The following PFKFB2 variants were observed in gnomAD, a reference collection of about 807,000 sequenced individuals.
The protein encoded by PFKFB2 is 6-phosphofructo-2-kinase/fructose-2,6-biphosphatase 2, also known as 6-phosphofructo-2-kinase/fructose-2,6-bisphosphatase 2.
In PFKFB2, 53 loss-of-function variants were observed where a neutral mutation model predicts 68.0. The ratio of observed to expected loss-of-function variants is 0.78; its 90% CI spans 0.63 to 0.98. The LOEUF (loss-of-function observed/expected upper bound fraction) is 0.98. PFKFB2 is among the 50% of genes least tolerant of loss of function. The pLI is 0.00. For synonymous variants in PFKFB2, 222 were observed against 227.6 expected, an observed-to-expected ratio of 0.98 and a Z score of 0.22; for missense variants, 451 against 642.0, an observed-to-expected ratio of 0.70 and a Z score of 3.22.
chr1:207,039,958 G>A (rs955461928), intron 1 of PFKFB2, among the ~76,000 whole-genome samples: 2 of 152,164 alleles, frequency 1.3e-5, no homozygotes, highest in African/African-American at 2.4e-5. Context: ...CAGCTTAAGA[G>A]AACAAGGAGA....
Position 207,074,402 on chromosome 1 carries a change from G to T in PFKFB2, c.*2031G>T. 1 of 985,288 alleles carries T rather than the reference G, an allele frequency of 1.0e-6. No homozygotes were observed. Among genetic ancestry groups the T allele is most frequent in the Non-Finnish European group, 1.2e-6 (1 of 829,834 alleles). 61.0% of individuals were successfully genotyped at this position (985,288 alleles called of 1,614,324 possible). A position where few individuals can be genotyped will look rare whatever the true frequency, so the allele number is the denominator to read the frequency against. On this transcript the variant is annotated 3_prime_UTR_variant, in exon 15 of 15. Coordinates refer to ENST00000367080, the MANE Select transcript of PFKFB2 (RefSeq NM_006212.2). ...ACCCTTTACATTGCTGAGTGATGTG[G>T]AACAAATCACTGAATTAAATAATTG...
Position 207,073,054 on chromosome 1 carries a change from A to G in PFKFB2, c.*683A>G, listed in dbSNP as rs1683515342. ...TCTCCAGCCAGGTCCTGTAAGGGCC[A>G]GCCCAGACTACAGGACATCCACAGA... On this transcript the variant is annotated 3_prime_UTR_variant, in exon 15 of 15. Coordinates refer to ENST00000367080, the MANE Select transcript of PFKFB2 (RefSeq NM_006212.2). 1.0e-6 allele frequency: 1 copy of G among 985,508 alleles called. No homozygotes were observed. The highest frequency in any genetic ancestry group is 1.7e-5 in the African/African-American group (1 of 57,344). 61.0% of individuals were successfully genotyped at this position (985,508 alleles called of 1,614,324 possible). A position where few individuals can be genotyped will look rare whatever the true frequency, so the allele number is the denominator to read the frequency against.
intron 1 of PFKFB2, among the ~76,000 whole-genome samples, chr1:207,035,792 C>T (rs1682366570): frequency 6.6e-6 from 1 of 152,144 alleles, no homozygotes; most frequent in African/African-American, 2.4e-5. Flanking sequence ...ACAATCGTAA[C>T]AGCAGGCAAA....
rs542879863 is a variant in PFKFB2, at chr1:207,064,722, T to C, written c.508-314T>C. ...TATTCTGAGTGGTAATAGGGAAACA[T>C]TGGAGCCTGTTCTGTTTTCTCAGGA... On this transcript the variant is annotated intron_variant, in intron 7 of 14. Coordinates refer to ENST00000367080, the MANE Select transcript of PFKFB2 (RefSeq NM_006212.2). Among the ~76,000 whole-genome samples, 17 of 152,300 alleles carry C rather than the reference T, an allele frequency of 1.1e-4. No individual in the cohort carries two copies. In the South Asian group the frequency reaches 2.3e-3, roughly 20 times the overall value.
At chr1:207,039,201 A>G (rs566711549) in intron 1 of PFKFB2, among the ~76,000 whole-genome samples, 1 of 152,310 alleles carries the variant, frequency 6.6e-6, no homozygotes, top group South Asian at 2.1e-4. Context: ...TTAAAAACTC[A>G]AATTGATCAA....
intron 2 of PFKFB2, among the ~76,000 whole-genome samples, chr1:207,060,602 G>T (rs1683056812): frequency 6.6e-6 from 1 of 152,314 alleles, no homozygotes; most frequent in Middle Eastern, 3.4e-3. Context: ...GCTTTTTGCA[G>T]TGGGCAAGCT....
Position 207,070,539 on chromosome 1 carries a change from G to C in PFKFB2, c.1222+130G>C. Reference sequence around the variant, plus strand: ...TAGAGTACTTTCTCCAGACAGCAGTGTGGGGCTCCCAGCAGCCACTGAGTC... The same window carrying C: ...TAGAGTACTTTCTCCAGACAGCAGTCTGGGGCTCCCAGCAGCCACTGAGTC... On this transcript the variant is annotated intron_variant, in intron 12 of 14. Coordinates refer to ENST00000367080, the MANE Select transcript of PFKFB2 (RefSeq NM_006212.2). This position sits in a 1 kb window ranked among gnomAD's most constrained non-coding sequence, Gnocchi z 4.2. 1.0e-6 allele frequency: 1 copy of C among 981,250 alleles called. No homozygotes were observed. The highest frequency in any genetic ancestry group is 1.5e-6 in the Non-Finnish European group (1 of 678,660). 60.8% of individuals were successfully genotyped at this position (981,250 alleles called of 1,614,324 possible). A position where few individuals can be genotyped will look rare whatever the true frequency, so the allele number is the denominator to read the frequency against.
At position 207,062,693 on chromosome 1, in the gene PFKFB2, TGAG is replaced by T; in HGVS notation, c.290_292del (p.Glu97del). 1 of 1,614,108 alleles carries T rather than the reference TGAG, an allele frequency of 6.2e-7. No individual in the cohort carries two copies. Among genetic ancestry groups the T allele is most frequent in the Non-Finnish European group, 8.5e-7 (1 of 1,179,994 alleles). ...CCTACGACTTCTTTCGGCATGACAA[TGAG>T]GAGGCCATGAAGATCCGCAAGTGAG... On this transcript the variant is annotated inframe_deletion, in exon 4 of 15. Transcript: ENST00000367080.
chr1:207,049,126 T>G, upstream of PFKFB2: 1 of 1,614,016 alleles, frequency 6.2e-7, no homozygotes, highest in Non-Finnish European at 8.5e-7. Flanking sequence ...GGTGAAGCGG[T>G]TGACATCAGT....
chr1:207,054,622 G>A, intron 1 of PFKFB2, 79 bp from the exon 2 acceptor site: 1 of 921,662 alleles, frequency 1.1e-6, no homozygotes, highest in Non-Finnish European at 1.7e-6. Flanking sequence ...ATACCACACG[G>A]ATCCAATGCA....
At chr1:207,057,468 A>C (rs1310971045) in intron 2 of PFKFB2, among the ~76,000 whole-genome samples, 4 of 147,672 alleles carry the variant, frequency 2.7e-5, no homozygotes, top group Admixed American at 1.3e-4. Flanking sequence ...ACAAAGTGAG[A>C]CTCCATCTCA....
At chr1:207,035,079 G>C in intron 1 of PFKFB2, 4 of 765,912 alleles carry the variant, frequency 5.2e-6, no homozygotes, top group Non-Finnish European at 6.4e-6. Context: ...TCATTTGAGG[G>C]GGTATGTGTG....
In PFKFB2 at chr1:207,067,350, A is replaced by G. The variant is rs187221078; in HGVS notation, c.633-149A>G. ...GGTTTTAAGGAGTAATTAATCTCCT[A>G]CCATTTGGTTCCATAAACGTGGGTG... On this transcript the variant is annotated intron_variant, in intron 8 of 14. Coordinates refer to ENST00000367080, the MANE Select transcript of PFKFB2 (RefSeq NM_006212.2). 1.6e-4 allele frequency: 98 copies of G among 613,494 alleles called. No individual in the cohort carries two copies. In the East Asian group the frequency reaches 2.2e-3, roughly 14 times the overall value. The allele number at this position is 613,494 out of a possible 1,614,324, so 38.0% of individuals were successfully genotyped here.
rs150442637 is a variant in PFKFB2 at position 207,062,683 on chromosome 1, G to A, written c.275G>A (p.Arg92Gln). The A allele has an allele frequency of 6.8e-6, 11 of 1,613,984 alleles. No individual in the cohort carries two copies. The African/African-American group carries it at 8.0e-5, about 12-fold the overall frequency. ...VKSYKSYDFF[R>Q]HDNEEAMKIR... ...TCCTATAAGTCCTACGACTTCTTTC[G>A]GCATGACAATGAGGAGGCCATGAAG... Residue 92 changes from arginine to glutamine, a missense_variant, in exon 4 of 15, where the codon CGG becomes CAG. By Grantham distance (43) the Arg-to-Gln change is conservative. Transcript: ENST00000367080.
chr1:207,049,110 T>A (rs1682667756), upstream of PFKFB2: 1 of 1,614,048 alleles, frequency 6.2e-7, no homozygotes, highest in Non-Finnish European at 8.5e-7. Flanking sequence ...ATACCATGCA[T>A]CTCAGGGTGA....
At chr1:207,050,796 T>C (rs1332459434), upstream of PFKFB2, 3 of 1,613,316 alleles carry the variant, frequency 1.9e-6, no homozygotes, top group Non-Finnish European at 2.5e-6. Flanking sequence ...ATCCCGGTGA[T>C]GGCGGCAATT....
Position 207,069,540 on chromosome 1 carries a change from CT to C in PFKFB2, c.1092+13del. 6.5e-7 allele frequency: 1 copy of C among 1,545,674 alleles called. No homozygotes were observed. Among genetic ancestry groups the C allele is most frequent in the Non-Finnish European group, 8.9e-7 (1 of 1,117,782 alleles). ...ATCCTGGTGGGGAGGTAAGACGCCC[CT>C]GTCATGTAAAGTGACTGCCTAGACC... On this transcript the variant is annotated intron_variant, in intron 11 of 14. Transcript: ENST00000367080.
chr1:207,037,704 C>T (rs1386009514), intron 1 of PFKFB2, among the ~76,000 whole-genome samples: 1 of 152,130 alleles, frequency 6.6e-6, no homozygotes. Flanking sequence ...AATATTATTC[C>T]ACATCACCAA....
Position 207,077,462 on chromosome 1 carries a change from C to G in PFKFB2, c.*5091C>G, listed in dbSNP as rs1177740105. The G allele has an allele frequency of 4.1e-6, 4 of 985,142 alleles. No homozygotes were observed. In the South Asian group the frequency reaches 1.4e-4, roughly 35 times the overall value. 61.0% of individuals were successfully genotyped at this position (985,142 alleles called of 1,614,324 possible). A position where few individuals can be genotyped will look rare whatever the true frequency, so the allele number is the denominator to read the frequency against. ...TACGTTTTTTATTATATTGACCTAA[C>G]AAGAAGATCAACTTATGCTGGTATG... On this transcript the variant is annotated 3_prime_UTR_variant, in exon 15 of 15. Coordinates refer to ENST00000367080, the MANE Select transcript of PFKFB2 (RefSeq NM_006212.2).
Sources: allele counts gnomAD v4.1 joint callset (sites outside exome capture counted in the v4.1 genomes callset), GRCh38; gene constraint gnomAD v4.1.1; non-coding constraint Gnocchi (gnomAD v3.1); transcripts MANE v1.5; gene names NCBI Gene and HGNC (gene_info 2026-07-23, HGNC 2026-07-21).